DDX46: variants seen among roughly 807,000 people sequenced by gnomAD.
DDX46 encodes probable ATP-dependent RNA helicase DDX46.
Under a neutral mutation model 134.9 loss-of-function variants are expected in DDX46, and 30 were observed. That is an observed-to-expected ratio of 0.22 (90% CI 0.17 to 0.30). The LOEUF (loss-of-function observed/expected upper bound fraction) is 0.30, where lower values mean the gene tolerates loss of function less well. Ranked by LOEUF, DDX46 falls within the 10% of genes least tolerant of loss-of-function variation. The pLI, the probability that DDX46 is intolerant of heterozygous loss-of-function variation, is 1.00. For missense variants in DDX46, 622 were observed against 1,248.7 expected (o/e 0.50, Z 7.56); for synonymous variants, 415 against 404.1 (o/e 1.03, Z -0.32).
At chr5:134,816,733 C>T in intron 19 of DDX46, 127 bp downstream of exon 19, 1 of 936,890 alleles carries the variant, frequency 1.1e-6, no homozygotes, top group East Asian at 2.7e-5. Flanking sequence ...ATTTAACATT[C>T]TCAATACAGA....
chr5:134,803,713 T>A (rs1308534460), intron 15 of DDX46, among the ~76,000 whole-genome samples: 3 of 152,146 alleles, frequency 2.0e-5, no homozygotes, highest in African/African-American at 7.2e-5. Flanking sequence ...TTGCCCAGAG[T>A]TCATGGTTGT....
At chr5:134,765,511 C>T (rs1259608899) in intron 2 of DDX46, among the ~76,000 whole-genome samples, 10 of 151,880 alleles carry the variant, frequency 6.6e-5, no homozygotes, top group Non-Finnish European at 1.3e-4. Context: ...CGACATGGTG[C>T]CACTGTACTC....
intron 21 of DDX46, among the ~76,000 whole-genome samples, chr5:134,823,459 C>T (rs149814590): frequency 4.6e-5 from 7 of 152,180 alleles, no homozygotes; most frequent in Non-Finnish European, 7.4e-5. Flanking sequence ...TTATGTTTTC[C>T]GTGTTTTTCC....
intron 15 of DDX46, chr5:134,805,149 T>C (rs254711): frequency 0.25 from 44,923 of 182,050 alleles, 6,962 homozygotes; most frequent in African/African-American, 0.43. Context: ...TGCCTCTAGA[T>C]AACACCCCTG....
intron 12 of DDX46, chr5:134,789,124 A>G (rs1347880609): frequency 1.3e-5 from 2 of 152,216 alleles, no homozygotes; most frequent in Non-Finnish European, 2.9e-5. Flanking sequence ...TAAATATTGC[A>G]TGTTTGTAGC....
At chr5:134,759,027 G>T (rs1213031503) in intron 1 of DDX46, 72 bp downstream of exon 1, 2 of 1,588,582 alleles carry the variant, frequency 1.3e-6, no homozygotes, top group Non-Finnish European at 1.7e-6. Flanking sequence ...GGGAGTTGAG[G>T]TGGCCGCCGG....
At chr5:134,818,764 A>G (rs1303766622) in intron 20 of DDX46, 96 bp from the exon 21 acceptor site, 25 of 1,020,136 alleles carry the variant, frequency 2.5e-5, no homozygotes, top group Admixed American at 1.8e-4. Context: ...GAGACCAACC[A>G]TAATATGATA....
At chr5:134,805,124 C>G in intron 15 of DDX46, 1 of 212,550 alleles carries the variant, frequency 4.7e-6, no homozygotes, top group South Asian at 7.2e-5. Context: ...ATGTCAAATG[C>G]TTGACCATTC....
intron 18 of DDX46, among the ~76,000 whole-genome samples, chr5:134,814,813 G>A (rs183102486): frequency 2.0e-5 from 3 of 152,224 alleles, no homozygotes; most frequent in Non-Finnish European, 4.4e-5. Flanking sequence ...ACAAGGTTTC[G>A]CCATGTTGCC....
chr5:134,829,914 A>AGTGAGACTATCTCT lies in DDX46; in HGVS notation c.*1221_*1222insTGTGAGACTATCTC, dbSNP rs1755690196. On this transcript the variant is annotated 3_prime_UTR_variant, in exon 23 of 23. Transcript: ENST00000452510. ...CATTGCACTCCAGCCTGGGCGACAG[A>AGTGAGACTATCTCT]GTGAGACTATCTCAAAAATAAATAA... 19 of 138,260 alleles carry AGTGAGACTATCTCT rather than the reference A, an allele frequency of 1.4e-4. No individual in the cohort carries two copies. Among genetic ancestry groups the AGTGAGACTATCTCT allele is most frequent in the Admixed American group, 1.2e-3 (17 of 13,614 alleles). 8.6% of individuals were successfully genotyped at this position (138,260 alleles called of 1,614,324 possible). A position where few individuals can be genotyped will look rare whatever the true frequency, so the allele number is the denominator to read the frequency against.
chr5:134,810,832 C>T (rs1755121608), intron 16 of DDX46, among the ~76,000 whole-genome samples: 2 of 151,690 alleles, frequency 1.3e-5, no homozygotes, highest in South Asian at 4.2e-4. Context: ...ATGGTGAAAC[C>T]ATGTCTCTAG....
intron 21 of DDX46, among the ~76,000 whole-genome samples, chr5:134,819,642 A>C (rs1033234740): frequency 6.7e-6 from 1 of 149,400 alleles, no homozygotes; most frequent in Non-Finnish European, 1.5e-5. Flanking sequence ...TGATCCTCCC[A>C]CCTCAACACC....
Position 134,795,224 on chromosome 5 carries a change from T to G in DDX46, c.1791+210T>G, listed in dbSNP as rs577671816. On this transcript the variant is annotated intron_variant, in intron 14 of 22. Transcript: ENST00000452510. ...TGCTTGTTTTTTTTTTTTTTTGTTT[T>G]TTTTTTGCTGGGTGCAGTGGTGCAT... 1.3e-4 allele frequency among the ~76,000 whole-genome samples: 19 copies of G among 151,228 alleles called. No homozygotes were observed. In the East Asian group the frequency reaches 1.4e-3, roughly 11 times the overall value.
At chr5:134,820,466 G>A (rs193051942) in intron 21 of DDX46, among the ~76,000 whole-genome samples, 8 of 151,702 alleles carry the variant, frequency 5.3e-5, no homozygotes, top group African/African-American at 1.9e-4. Flanking sequence ...GGTTTCACGC[G>A]ATTCTTGTGC....
intron 21 of DDX46, among the ~76,000 whole-genome samples, chr5:134,825,238 A>G (rs543969208): frequency 6.6e-6 from 1 of 152,244 alleles, no homozygotes; most frequent in East Asian, 1.9e-4. Context: ...TTTTCCTCCT[A>G]AATTTCATTT....
At chr5:134,808,587 A>G (rs254712) in intron 16 of DDX46, among the ~76,000 whole-genome samples, 4,843 of 152,220 alleles carry the variant, frequency 0.032, 160 homozygotes, top group African/African-American at 0.086. Context: ...AAATGTTTAT[A>G]CTTCAGGATC....
intron 5 of DDX46, among the ~76,000 whole-genome samples, chr5:134,776,338 G>C (rs1325639324): frequency 6.6e-6 from 1 of 151,766 alleles, no homozygotes; most frequent in East Asian, 1.9e-4. Flanking sequence ...TGCCGTCAGT[G>C]AGCCGAGATG....
At chr5:134,800,093 A>G (rs938338136) in intron 15 of DDX46, among the ~76,000 whole-genome samples, 2 of 151,906 alleles carry the variant, frequency 1.3e-5, no homozygotes, top group African/African-American at 4.8e-5. Flanking sequence ...GACTACAGGC[A>G]TGCACCGCCA....
intron 1 of DDX46, among the ~76,000 whole-genome samples, chr5:134,760,671 A>T (rs1184813811): frequency 6.6e-6 from 1 of 152,134 alleles, no homozygotes; most frequent in African/African-American, 2.4e-5. Flanking sequence ...AACTCTGTGG[A>T]GGTGATATAA....
Sources: gnomAD v4.1 joint callset for allele counts (sites outside exome capture counted in the v4.1 genomes callset) on GRCh38, gnomAD v4.1.1 for gene constraint, MANE v1.5 for transcripts, NCBI Gene and HGNC (gene_info 2026-07-23, HGNC 2026-07-21) for gene names.